The following TRIM28 variants were observed in gnomAD, a reference collection of about 807,000 sequenced individuals.
The protein encoded by TRIM28 is tripartite motif containing 28, also known as transcription intermediary factor 1-beta.
Under a neutral mutation model 87.4 loss-of-function variants are expected in TRIM28, and 8 were observed. The ratio of observed to expected loss-of-function variants is 0.09; its 90% CI spans 0.05 to 0.17. TRIM28 has a LOEUF of 0.17. Ranked by LOEUF, TRIM28 falls within the 10% of genes least tolerant of loss-of-function variation. The probability of loss-of-function intolerance (pLI) is 1.00; values close to 1 mark genes in which losing one functional copy is unlikely to be tolerated. For missense variants in TRIM28, 968 were observed against 1,131.8 expected (o/e 0.86, Z 2.08); for synonymous variants, 601 against 454.3 (o/e 1.32, Z -4.11).
chr19:58,548,896 G>A lies in TRIM28; in HGVS notation c.1395G>A (p.Val465=). Residue 465 remains valine, a synonymous_variant, in exon 11 of 17, where the codon GTG becomes GTA. Coordinates refer to ENST00000253024, the MANE Select transcript of TRIM28 (RefSeq NM_005762.3). ...CCTACTCAAGTGCAGAGCCCCATGTGTCAGGTGTGAAACGGTAAGTATGGC... is the reference window on the plus strand; with the variant it reads ...CCTACTCAAGTGCAGAGCCCCATGTATCAGGTGTGAAACGGTAAGTATGGC... ...DDPYSSAEPH[V]SGVKRSRSGE... is the part of the protein sequence containing the mutation. 1 of 1,614,122 alleles carries A rather than the reference G, an allele frequency of 6.2e-7. No individual in the cohort carries two copies.
chr19:58,548,513 C>G lies in TRIM28; in HGVS notation c.1244C>G (p.Thr415Ser). 1 of 1,614,078 alleles carries G rather than the reference C, an allele frequency of 6.2e-7. No individual in the cohort carries two copies. The highest frequency in any genetic ancestry group is 8.5e-7 in the Non-Finnish European group (1 of 1,180,024). Residue 415 changes from threonine to serine, a missense_variant, in exon 9 of 17, where the codon ACT becomes AGT. This residue lies in a region of TRIM28 where 119 missense variants were observed against 93.6 expected (regional missense o/e 1.27). Coordinates refer to ENST00000253024, the MANE Select transcript of TRIM28 (RefSeq NM_005762.3). ...FGKIVAERPG[T>S]NSTGPAPMAP... Reference sequence around the variant, plus strand: ...AAGATTGTGGCAGAGCGTCCTGGCACTAACTCAACAGGCCCTGCACCCATG... The same window carrying G: ...AAGATTGTGGCAGAGCGTCCTGGCAGTAACTCAACAGGCCCTGCACCCATG...
intron 6 of TRIM28, 46 bp downstream of exon 6, chr19:58,547,952 A>G (rs1568661026): frequency 6.2e-7 from 1 of 1,613,600 alleles, no homozygotes; most frequent in Non-Finnish European, 8.5e-7. Flanking sequence ...CCCTCTGCTG[A>G]TTGATGATGC....
intron 3 of TRIM28, among the ~76,000 whole-genome samples, chr19:58,546,734 C>T (rs922999754): frequency 1.3e-5 from 2 of 152,144 alleles, no homozygotes; most frequent in African/African-American, 4.8e-5. Flanking sequence ...TGTGTTTGAT[C>T]AGTTTTCTAA....
intron 3 of TRIM28, among the ~76,000 whole-genome samples, chr19:58,546,299 C>T (rs555013097): frequency 1.3e-5 from 2 of 152,170 alleles, no homozygotes; most frequent in Non-Finnish European, 2.9e-5. Flanking sequence ...GACTGTGGGT[C>T]CATGGATTAT....
Position 58,548,188 on chromosome 19 carries a change from C to T in TRIM28, c.1101+8C>T, listed in dbSNP as rs765461233. The T allele has an allele frequency of 8.1e-6, 13 of 1,613,886 alleles. No individual in the cohort carries two copies. The highest frequency in any genetic ancestry group is 1.1e-5 in the Non-Finnish European group (13 of 1,179,756). ...TTGCTTTCTAAGAAGTTGGTGTGTA[C>T]TGGTGGGCTCCTGGCTGGTGGGTTC... is the stretch of plus-strand genomic sequence containing the variant. On this transcript the variant is annotated splice_region_variant and intron_variant, in intron 7 of 16. Transcript: ENST00000253024.
At position 58,549,671 on chromosome 19, in the gene TRIM28, G is replaced by A; in HGVS notation, c.1982+21G>A. The A allele has an allele frequency of 1.2e-6, 2 of 1,604,672 alleles. No individual in the cohort carries two copies. Among genetic ancestry groups the A allele is most frequent in the Non-Finnish European group, 1.7e-6 (2 of 1,172,992 alleles). On this transcript the variant is annotated intron_variant, in intron 13 of 16. Coordinates refer to ENST00000253024, the MANE Select transcript of TRIM28 (RefSeq NM_005762.3). The surrounding 1 kb of genome is among the most constrained non-coding windows in gnomAD (Gnocchi z 4.4). The stretch of plus-strand genomic sequence containing the variant: ...CCAGGGTGAGTGTGAGGCTGGTGGG[G>A]GTCAAGTCTGGGTGTTGGGCTGTCT...
chr19:58,550,027 T>A lies in TRIM28; in HGVS notation c.2185T>A (p.Phe729Ile). Residue 729 changes from phenylalanine to isoleucine, a missense_variant, in exon 15 of 17, where the codon TTC (phenylalanine) becomes ATC (isoleucine). Coordinates refer to ENST00000253024, the MANE Select transcript of TRIM28 (RefSeq NM_005762.3). ...GCATCAGCTGGCTACCGACTCCACC[T>A]TCTCCCTGGTGAGTCCTAGGATGGG... ...PLHQLATDST[F>I]SLDQPGGTLD... is the part of the protein sequence containing the mutation. 6.2e-7 allele frequency: 1 copy of A among 1,614,028 alleles called. No homozygotes were observed. Among genetic ancestry groups the A allele is most frequent in the South Asian group, 1.1e-5 (1 of 91,072 alleles).
chr19:58,545,081 G>A lies in TRIM28; in HGVS notation c.324G>A (p.Ala108=), dbSNP rs1048533347. Residue 108 remains alanine, a synonymous_variant, in exon 1 of 17, where the codon GCG becomes GCA. Coordinates refer to ENST00000253024, the MANE Select transcript of TRIM28 (RefSeq NM_005762.3). ...CCAACAGCTCGGGGGACGGCGGGGC[G>A]GCGGGCGACGGCACCGGTAAGTACG... ...AAANSSGDGG[A]AGDGTVVDCP... 4 of 1,433,110 alleles carry A rather than the reference G, an allele frequency of 2.8e-6. No individual in the cohort carries two copies. In the African/African-American group the frequency reaches 4.5e-5, roughly 16 times the overall value. 88.8% of individuals were successfully genotyped at this position (1,433,110 alleles called of 1,614,324 possible).
In TRIM28 at chr19:58,548,747, A is replaced by T; in HGVS notation, c.1331A>T (p.Glu444Val). 6.2e-7 allele frequency: 1 copy of T among 1,613,874 alleles called. No homozygotes were observed. Among genetic ancestry groups the T allele is most frequent in the Non-Finnish European group, 8.5e-7 (1 of 1,179,946 alleles). Residue 444 changes from glutamate (E) to valine (V), a missense_variant, in exon 10 of 17, where the codon GAG (glutamate) becomes GTG (valine). Physicochemically the swap from Glu to Val is moderately radical, Grantham distance 121 (BLOSUM62 -2). Transcript: ENST00000253024. Reference protein sequence around the residue: ...KQGSGSSQPMEVQEGYGFGSG... With the variant: ...KQGSGSSQPMVVQEGYGFGSG... ...GTTCTGCTTTGTTCACAGCCCATGG[A>T]GGTGCAGGAAGGCTATGGCTTTGGG...
chr19:58,548,748 G>T lies in TRIM28; in HGVS notation c.1332G>T (p.Glu444Asp). The T allele has an allele frequency of 6.2e-7, 1 of 1,614,006 alleles. No individual in the cohort carries two copies. The highest frequency in any genetic ancestry group is 8.5e-7 in the Non-Finnish European group (1 of 1,180,000). ...TTCTGCTTTGTTCACAGCCCATGGAGGTGCAGGAAGGCTATGGCTTTGGGT... is the reference window on the plus strand; with the variant it reads ...TTCTGCTTTGTTCACAGCCCATGGATGTGCAGGAAGGCTATGGCTTTGGGT... ...KQGSGSSQPM[E>D]VQEGYGFGSG... is the part of the protein sequence containing the mutation. Residue 444 changes from glutamate (E) to aspartate (D), a missense_variant, in exon 10 of 17, where the codon GAG becomes GAT. Coordinates refer to ENST00000253024, the MANE Select transcript of TRIM28 (RefSeq NM_005762.3).
Position 58,549,311 on chromosome 19 carries a change from C to G in TRIM28, c.1663-20C>G. Reference sequence around the variant, plus strand: ...TCCAGGTCTGGACCCTGTTGAACACCCCTCATCACCACCTTGCAGGAGGAG... The same window carrying G: ...TCCAGGTCTGGACCCTGTTGAACACGCCTCATCACCACCTTGCAGGAGGAG... On this transcript the variant is annotated intron_variant, in intron 12 of 16. Coordinates refer to ENST00000253024, the MANE Select transcript of TRIM28 (RefSeq NM_005762.3). The surrounding 1 kb of genome is among the most constrained non-coding windows in gnomAD (Gnocchi z 4.4). The G allele has an allele frequency of 6.4e-7, 1 of 1,571,416 alleles. No individual in the cohort carries two copies. Among genetic ancestry groups the G allele is most frequent in the East Asian group, 2.3e-5 (1 of 44,406 alleles).
intron 2 of TRIM28, 89 bp downstream of exon 2, chr19:58,545,626 C>T (rs2053754781): frequency 2.0e-6 from 3 of 1,486,992 alleles, no homozygotes; most frequent in East Asian, 2.3e-5. Flanking sequence ...GGCTGTTACT[C>T]CACTTTCCCA....
Position 58,544,691 on chromosome 19 carries a change from G to C in TRIM28, c.-67G>C. On this transcript the variant is annotated 5_prime_UTR_variant, in exon 1 of 17. Transcript: ENST00000253024. ...AGCGGCCCAGCAGTTGGCGGCGAGC[G>C]CGTCTGCGCCTGCGCGGCGGGCCCC... is the stretch of plus-strand genomic sequence containing the variant. 1.4e-6 allele frequency: 1 copy of C among 702,892 alleles called. No individual in the cohort carries two copies. Among genetic ancestry groups the C allele is most frequent in the Non-Finnish European group, 1.7e-6 (1 of 572,194 alleles). 43.5% of individuals were successfully genotyped at this position (702,892 alleles called of 1,614,324 possible). A position where few individuals can be genotyped will look rare whatever the true frequency, so the allele number is the denominator to read the frequency against.
chr19:58,547,551 C>G, intron 4 of TRIM28, 40 bp downstream of exon 4: 1 of 1,613,542 alleles, frequency 6.2e-7, no homozygotes, highest in Non-Finnish European at 8.5e-7. Flanking sequence ...GTGGGTGCCA[C>G]CCCTTCCGTA....
At position 58,544,968 on chromosome 19, in the gene TRIM28, C is replaced by G. The variant is rs1386062634; in HGVS notation, c.211C>G (p.Arg71Gly). The change falls in exon 1 of 17, where the codon CGC (arginine) becomes GGC (glycine). Residue 71 changes from arginine to glycine, a missense_variant. This residue lies in a region of TRIM28 where 208 missense variants were observed against 170.9 expected (regional missense o/e 1.22). Coordinates refer to ENST00000253024, the MANE Select transcript of TRIM28 (RefSeq NM_005762.3). ...LLEHCGVCRE[R>G]LRPEREPRLL... is the part of the protein sequence containing the mutation. ...GGAGCACTGCGGCGTGTGCAGAGAG[C>G]GCCTGCGACCCGAGAGGGAGCCCCG... is the stretch of plus-strand genomic sequence containing the variant. The G allele has an allele frequency of 6.6e-7, 1 of 1,512,282 alleles. No homozygotes were observed. The highest frequency in any genetic ancestry group is 8.8e-7 in the Non-Finnish European group (1 of 1,139,858). The allele number at this position is 1,512,282 out of a possible 1,614,324, so 93.7% of individuals were successfully genotyped here.
At position 58,550,024 on chromosome 19, in the gene TRIM28, A is replaced by C. The variant is rs201780817; in HGVS notation, c.2182A>C (p.Thr728Pro). The change falls in exon 15 of 17, where the codon ACC becomes CCC. Residue 728 changes from threonine (T) to proline (P), a missense_variant. By Grantham distance (38) the Thr-to-Pro change is conservative. Coordinates refer to ENST00000253024, the MANE Select transcript of TRIM28 (RefSeq NM_005762.3). ...CCTGCATCAGCTGGCTACCGACTCC[A>C]CCTTCTCCCTGGTGAGTCCTAGGAT... Reference protein sequence around the residue: ...RPLHQLATDSTFSLDQPGGTL... With the variant: ...RPLHQLATDSPFSLDQPGGTL... The C allele has an allele frequency of 4.8e-5, 77 of 1,613,832 alleles. No homozygotes were observed.
In TRIM28 at chr19:58,545,046, CCCG is replaced by C. The variant is rs1484002818; in HGVS notation, c.298_300del (p.Ala100del). The C allele has an allele frequency of 6.9e-7, 1 of 1,459,768 alleles. No individual in the cohort carries two copies. Among genetic ancestry groups the C allele is most frequent in the Admixed American group, 3.0e-5 (1 of 32,878 alleles). 90.4% of individuals were successfully genotyped at this position (1,459,768 alleles called of 1,614,324 possible). A position where few individuals can be genotyped will look rare whatever the true frequency, so the allele number is the denominator to read the frequency against. ...TAGTGCCTGCTTAGGGCCCGCGGCCCCCGCCGCCGCCAACAGCTCGGGGGACGG... is the reference window on the plus strand; with the variant it reads ...TAGTGCCTGCTTAGGGCCCGCGGCCCCCGCCGCCAACAGCTCGGGGGACGG... On this transcript the variant is annotated inframe_deletion, in exon 1 of 17. Transcript: ENST00000253024.
rs1206572526 is a variant in TRIM28 at position 58,544,295 on chromosome 19, T to TGGGGTTGGCGGTGGTGGAAGGACTA, written c.-460_-436dup. 6.6e-6 allele frequency: 1 copy of TGGGGTTGGCGGTGGTGGAAGGACTA among 152,126 alleles called. No individual in the cohort carries two copies. The highest frequency in any genetic ancestry group is 1.5e-5 in the Non-Finnish European group (1 of 68,112). 9.4% of individuals were successfully genotyped at this position (152,126 alleles called of 1,614,324 possible). A position where few individuals can be genotyped will look rare whatever the true frequency, so the allele number is the denominator to read the frequency against. Reference sequence around the variant, plus strand: ...CGCCCCCACAAGAGCCCCACCGACGTGGGGTTGGCGGTGGTGGAAGGACTA... The same window carrying TGGGGTTGGCGGTGGTGGAAGGACTA: ...CGCCCCCACAAGAGCCCCACCGACGTGGGGTTGGCGGTGGTGGAAGGACTAGGGGTTGGCGGTGGTGGAAGGACTA... On this transcript the variant is annotated 5_prime_UTR_variant, in exon 1 of 17. Coordinates refer to ENST00000253024, the MANE Select transcript of TRIM28 (RefSeq NM_005762.3).
rs759777699 is a variant in TRIM28 at position 58,547,896 on chromosome 19, A to G, written c.944A>G (p.Asn315Ser). The G allele has an allele frequency of 2.8e-5, 45 of 1,614,032 alleles. No individual in the cohort carries two copies. Among genetic ancestry groups the G allele is most frequent in the Admixed American group, 5.0e-5 (3 of 60,006 alleles). The change falls in exon 6 of 17, where the codon AAT (asparagine) becomes AGT (serine). Residue 315 changes from asparagine to serine, a missense_variant. Asn to Ser is a conservative substitution (Grantham distance 46, BLOSUM62 1). This residue lies in a region of TRIM28 where 84 missense variants were observed against 139.9 expected (regional missense o/e 0.60). Coordinates refer to ENST00000253024, the MANE Select transcript of TRIM28 (RefSeq NM_005762.3). ...AATAAGCGGGGCCGTGTGCTGGTCA[A>G]TGATGCCCAGGTAAGCCTTGTGCCG... Reference protein sequence around the residue: ...ELNKRGRVLVNDAQKVTEGQQ... With the variant: ...ELNKRGRVLVSDAQKVTEGQQ...
Sources: gnomAD v4.1 joint callset for allele counts (sites outside exome capture counted in the v4.1 genomes callset) on GRCh38, gnomAD v4.1.1 for gene constraint, gnomAD v4.1.1 regional missense constraint, Gnocchi (gnomAD v3.1) non-coding constraint, MANE v1.5 for transcripts, NCBI Gene and HGNC (gene_info 2026-07-23, HGNC 2026-07-21) for gene names.